Variants in DNAH11 observed in about 807,000 individuals in gnomAD.
The protein encoded by DNAH11 is axonemal beta dynein heavy chain 11.
A neutral mutation model predicts 526.0 loss-of-function variants in DNAH11; 442 were observed. That is an observed-to-expected ratio of 0.84 (90% CI 0.78 to 0.91). The LOEUF is 0.91. Ranked by LOEUF, DNAH11 falls within the 40% of genes least tolerant of loss-of-function variation. The probability of loss-of-function intolerance (pLI) is 0.00; values close to 1 mark genes in which losing one functional copy is unlikely to be tolerated. For missense variants in DNAH11, 6,989 were observed against 5,448.7 expected, an observed-to-expected ratio of 1.28 and a Z score of -8.90; for synonymous variants, 2,461 against 1,935.9, an observed-to-expected ratio of 1.27 and a Z score of -7.12.
intron 34 of DNAH11, among the ~76,000 whole-genome samples, chr7:21,688,321 C>T (rs79343380): frequency 0.12 from 17,777 of 152,148 alleles, 1,226 homozygotes; most frequent in Non-Finnish European, 0.16. Context: ...ATGCAAAGTA[C>T]CTGGAAAAAT....
chr7:21,704,652 T>C lies in DNAH11; in HGVS notation c.6468+24T>C, dbSNP rs775170312. 8 of 1,579,700 alleles carry C rather than the reference T, an allele frequency of 5.1e-6. No homozygotes were observed. The Admixed American group carries it at 8.2e-5, about 16-fold the overall frequency. Reference sequence around the variant, plus strand: ...AAGTAAAAGGAGCATTTGCTTTTCATGGCAGCTGTTGGGATTGTCAGTGGA... The same window carrying C: ...AAGTAAAAGGAGCATTTGCTTTTCACGGCAGCTGTTGGGATTGTCAGTGGA... On this transcript the variant is annotated intron_variant, in intron 38 of 81. Transcript: ENST00000409508.
intron 20 of DNAH11, among the ~76,000 whole-genome samples, chr7:21,612,044 T>C (rs1295645472): frequency 6.6e-6 from 1 of 151,952 alleles, no homozygotes. Flanking sequence ...TAGAATAAAA[T>C]AGGGAATGAT....
At chr7:21,803,003 T>A (rs6954167) in intron 62 of DNAH11, among the ~76,000 whole-genome samples, 56,859 of 150,778 alleles carry the variant, frequency 0.38, 11,529 homozygotes, top group East Asian at 0.81. Flanking sequence ...TGGGTGAATT[T>A]CATGGTATGT....
At position 21,724,643 on chromosome 7, in the gene DNAH11, G is replaced by A. The variant is rs182137656; in HGVS notation, c.7267-1168G>A. Among the ~76,000 whole-genome samples, 200 of 151,066 alleles carry A rather than the reference G, an allele frequency of 1.3e-3. No individual in the cohort carries two copies. In the South Asian group the frequency reaches 0.016, roughly 12 times the overall value. The stretch of plus-strand genomic sequence containing the variant: ...GAGCCAGGTCATCGTATGAATATAG[G>A]AGTCGCTGAGCCAGGTCATCCTATG... On this transcript the variant is annotated intron_variant, in intron 44 of 81. Coordinates refer to ENST00000409508, the MANE Select transcript of DNAH11 (RefSeq NM_001277115.2).
chr7:21,599,492 G>A (rs937901721), intron 14 of DNAH11, among the ~76,000 whole-genome samples: 2 of 152,220 alleles, frequency 1.3e-5, no homozygotes, highest in African/African-American at 4.8e-5. Context: ...GGTCCAAAAT[G>A]TCTAGAATTC....
rs1043805559 is a variant in DNAH11 at position 21,854,235 on chromosome 7, G to A, written c.11062-80G>A. The A allele has an allele frequency of 2.0e-6, 3 of 1,480,264 alleles. No homozygotes were observed. In the South Asian group the frequency reaches 4.0e-5, roughly 20 times the overall value. 91.7% of individuals were successfully genotyped at this position (1,480,264 alleles called of 1,614,324 possible). A position where few individuals can be genotyped will look rare whatever the true frequency, so the allele number is the denominator to read the frequency against. ...TAATACTCATAATTTTTCATTTCAG[G>A]TACGTCCTTCCATTCCTTGGATATG... On this transcript the variant is annotated intron_variant, in intron 67 of 81. Coordinates refer to ENST00000409508, the MANE Select transcript of DNAH11 (RefSeq NM_001277115.2).
chr7:21,797,128 A>G (rs769283574), intron 61 of DNAH11, among the ~76,000 whole-genome samples: 6 of 152,210 alleles, frequency 3.9e-5, no homozygotes, highest in Non-Finnish European at 7.3e-5. Context: ...GGTACAAACA[A>G]TATTAAGAGT....
chr7:21,702,052 A>G (rs903999582), intron 36 of DNAH11, among the ~76,000 whole-genome samples: 9 of 152,308 alleles, frequency 5.9e-5, no homozygotes, highest in East Asian at 5.8e-4. Flanking sequence ...CATGAGAAAA[A>G]GCCAGAAGAA....
At chr7:21,754,418 C>G (rs2128494109) in intron 54 of DNAH11, among the ~76,000 whole-genome samples, 1 of 151,914 alleles carries the variant, frequency 6.6e-6, no homozygotes, top group East Asian at 1.9e-4. Flanking sequence ...TCTTTGTTTC[C>G]TTTGGGTCTG....
intron 73 of DNAH11, among the ~76,000 whole-genome samples, chr7:21,870,845 T>C (rs928580149): frequency 6.6e-6 from 1 of 152,202 alleles, no homozygotes; most frequent in East Asian, 1.9e-4. Context: ...TTTAAACCTC[T>C]TCACTCCCCA....
At chr7:21,709,641 C>T (rs561534004) in intron 40 of DNAH11, among the ~76,000 whole-genome samples, 12 of 152,280 alleles carry the variant, frequency 7.9e-5, no homozygotes, top group East Asian at 5.8e-4. Context: ...TCTATCCTCT[C>T]GTCTTGTGTA....
chr7:21,672,668 T>G (rs141162405), intron 30 of DNAH11, among the ~76,000 whole-genome samples: 1 of 152,230 alleles, frequency 6.6e-6, no homozygotes, highest in Admixed American at 6.5e-5. Context: ...TTGGGAGATA[T>G]GCCATGGCTG....
chr7:21,779,911 C>T (rs552557303), intron 57 of DNAH11, among the ~76,000 whole-genome samples: 3 of 152,218 alleles, frequency 2.0e-5, no homozygotes, highest in East Asian at 3.9e-4. Context: ...TGCTAACATT[C>T]TCACAGCCAT....
intron 69 of DNAH11, 24 bp from the exon 70 acceptor site, chr7:21,864,511 T>G: frequency 6.2e-7 from 1 of 1,607,138 alleles, no homozygotes; most frequent in South Asian, 1.1e-5. Flanking sequence ...CTAATAATCC[T>G]TTTCAATTTT....
intron 30 of DNAH11, among the ~76,000 whole-genome samples, chr7:21,659,545 C>T (rs971315597): frequency 6.6e-6 from 1 of 151,854 alleles, no homozygotes; most frequent in East Asian, 1.9e-4. Context: ...GTGCTGTGAG[C>T]TATATAACAG....
intron 66 of DNAH11, among the ~76,000 whole-genome samples, chr7:21,852,142 C>T (rs1287613462): frequency 2.0e-5 from 3 of 152,124 alleles, no homozygotes; most frequent in Non-Finnish European, 2.9e-5. Flanking sequence ...CAGTGGCTCA[C>T]GCCTGTAATG....
chr7:21,650,563 A>G (rs1166999783), intron 28 of DNAH11, among the ~76,000 whole-genome samples: 1 of 145,372 alleles, frequency 6.9e-6, no homozygotes, highest in African/African-American at 2.6e-5. Context: ...TTTTTTTCCA[A>G]TTTAGATTCT....
In DNAH11 at chr7:21,696,802, G is replaced by A. The variant is rs572355626; in HGVS notation, c.6042-1273G>A. On this transcript the variant is annotated intron_variant, in intron 35 of 81. Transcript: ENST00000409508. ...GCCTCTCTGTAAAATGAAGATAAGA[G>A]GAGTGGGTACCTCATAGTGTTGTGG... Among the ~76,000 whole-genome samples the A allele has an allele frequency of 3.0e-4, 46 of 152,270 alleles. No individual in the cohort carries two copies. The Middle Eastern group carries it at 0.017, about 56-fold the overall frequency.
chr7:21,778,283 G>A (rs1173039157), intron 56 of DNAH11, among the ~76,000 whole-genome samples: 1 of 152,176 alleles, frequency 6.6e-6, no homozygotes. Flanking sequence ...GGACTGATGG[G>A]AGACGTGTAT....
Sources: allele counts gnomAD v4.1 joint callset (sites outside exome capture counted in the v4.1 genomes callset), GRCh38; gene constraint gnomAD v4.1.1; transcripts MANE v1.5; gene names NCBI Gene and HGNC (gene_info 2026-07-23, HGNC 2026-07-21).